SAMD4A: variants seen among roughly 807,000 people sequenced by gnomAD.
The protein encoded by SAMD4A is sterile alpha motif domain containing 4A.
Under a neutral mutation model 81.3 loss-of-function variants are expected in SAMD4A, and 33 were observed. That is an observed-to-expected ratio of 0.41 (90% CI 0.31 to 0.54). The LOEUF is 0.54. SAMD4A is among the 20% of genes least tolerant of loss of function. SAMD4A has a pLI of 0.37. For synonymous variants in SAMD4A, 389 were observed against 382.1 expected (o/e 1.02, Z -0.21); for missense variants, 854 against 951.1 (o/e 0.90, Z 1.34).
At chr14:54,599,916 A>G (rs1440237120) in intron 2 of SAMD4A, among the ~76,000 whole-genome samples, 1 of 152,186 alleles carries the variant, frequency 6.6e-6, no homozygotes, top group African/African-American at 2.4e-5. Flanking sequence ...TTCATCTGAA[A>G]TAAAAATTTC....
At chr14:54,658,179 C>G (rs2035567068) in intron 2 of SAMD4A, among the ~76,000 whole-genome samples, 1 of 152,114 alleles carries the variant, frequency 6.6e-6, no homozygotes. Context: ...GGTGTGGTGT[C>G]AGGTGCCCAT....
At chr14:54,788,836 G>C (rs561445277) in intron 12 of SAMD4A, 80 bp from the exon 13 acceptor site, 150 of 1,570,276 alleles carry the variant, frequency 9.6e-5, no homozygotes, top group Middle Eastern at 8.4e-4. Flanking sequence ...GAGGCCCACC[G>C]TGCATGGCGT....
chr14:54,630,438 G>C (rs1263828427), intron 2 of SAMD4A, among the ~76,000 whole-genome samples: 1 of 152,192 alleles, frequency 6.6e-6, no homozygotes. Flanking sequence ...GATGGGTGAT[G>C]TTGGCCATCG....
chr14:54,662,803 G>T (rs1159030281), intron 2 of SAMD4A, among the ~76,000 whole-genome samples: 1 of 152,114 alleles, frequency 6.6e-6, no homozygotes, highest in Non-Finnish European at 1.5e-5. Flanking sequence ...GTGTGGGGCT[G>T]CTATGGCCCT....
chr14:54,734,506 T>C (rs2037641491), intron 3 of SAMD4A, among the ~76,000 whole-genome samples: 1 of 152,242 alleles, frequency 6.6e-6, no homozygotes, highest in Non-Finnish European at 1.5e-5. Context: ...AGAGGCCAAG[T>C]TCATGTCATA....
intron 3 of SAMD4A, among the ~76,000 whole-genome samples, chr14:54,708,023 A>T (rs968432645): frequency 3.3e-5 from 5 of 152,212 alleles, no homozygotes; most frequent in Non-Finnish European, 7.3e-5. Flanking sequence ...ACATGATCCA[A>T]CTCACATTTT....
In SAMD4A at chr14:54,695,914, C is replaced by T. The variant is rs116696084; in HGVS notation, c.197-6148C>T. On this transcript the variant is annotated intron_variant, in intron 2 of 12. Transcript: ENST00000554335. Reference sequence around the variant, plus strand: ...GTTACAGTGAGCCAAGACCATGCCACTGTGCTCCAGCCTGGTGACGGAGTG... The same window carrying T: ...GTTACAGTGAGCCAAGACCATGCCATTGTGCTCCAGCCTGGTGACGGAGTG... Among the ~76,000 whole-genome samples the T allele has an allele frequency of 1.7e-3, 247 of 141,292 alleles. 1 individual carries two copies. The highest frequency in any genetic ancestry group is 6.4e-3 in the African/African-American group (242 of 37,714). The allele number at this position is 141,292 out of a possible 152,430, so 92.7% of individuals were successfully genotyped here.
At chr14:54,682,185 G>A in intron 2 of SAMD4A, 1 of 415,442 alleles carries the variant, frequency 2.4e-6, no homozygotes, top group Non-Finnish European at 3.2e-6. Context: ...AGAATCTTGA[G>A]GTATGAGTTT....
At chr14:54,765,239 G>A (rs1273025588) in intron 8 of SAMD4A, among the ~76,000 whole-genome samples, 2 of 152,132 alleles carry the variant, frequency 1.3e-5, no homozygotes, top group African/African-American at 4.8e-5. Flanking sequence ...CCCACAAAGA[G>A]CTACAGCAGC....
At chr14:54,606,427 G>A (rs112256653) in intron 2 of SAMD4A, among the ~76,000 whole-genome samples, 3 of 152,170 alleles carry the variant, frequency 2.0e-5, no homozygotes, top group East Asian at 1.9e-4. Context: ...GCCTGCTTCC[G>A]ACACGTCCTT....
At chr14:54,737,561 T>TTTTTTTTTTTTTTTC (rs34263162) in intron 4 of SAMD4A, among the ~76,000 whole-genome samples, 1 of 122,608 alleles carries the variant, frequency 8.2e-6, no homozygotes, top group Non-Finnish European at 1.7e-5. Flanking sequence ...TTTTTTTTTT[T>TTTTTTTTTTTTTTTC]GCATTGCAGT....
At chr14:54,715,087 T>A (rs77546149) in intron 3 of SAMD4A, among the ~76,000 whole-genome samples, 2,702 of 152,246 alleles carry the variant, frequency 0.018, 31 homozygotes, top group Non-Finnish European at 0.027. Context: ...TTCACACTTT[T>A]AAAAATTATC....
chr14:54,569,126 G>A (rs1009021275), intron 2 of SAMD4A, among the ~76,000 whole-genome samples: 41 of 152,208 alleles, frequency 2.7e-4, no homozygotes, highest in African/African-American at 8.7e-4. Flanking sequence ...TTTATGCAGA[G>A]AAAAGAATGC....
intron 2 of SAMD4A, among the ~76,000 whole-genome samples, chr14:54,613,045 A>G (rs2034399735): frequency 1.3e-5 from 2 of 152,028 alleles, no homozygotes; most frequent in Non-Finnish European, 2.9e-5. Flanking sequence ...TGAACCTGGG[A>G]GGCGGAGGTT....
intron 2 of SAMD4A, among the ~76,000 whole-genome samples, chr14:54,599,316 A>G (rs1457365499): frequency 1.3e-5 from 2 of 152,186 alleles, no homozygotes; most frequent in Non-Finnish European, 2.9e-5. Context: ...ATATAACCCA[A>G]CATAAAGGCA....
chr14:54,732,433 A>G (rs1386518948), intron 3 of SAMD4A, among the ~76,000 whole-genome samples: 1 of 152,210 alleles, frequency 6.6e-6, no homozygotes, highest in Non-Finnish European at 1.5e-5. Context: ...TTACTAAATT[A>G]TATTCTTTCA....
At chr14:54,713,856 A>T (rs534644440) in intron 3 of SAMD4A, among the ~76,000 whole-genome samples, 2 of 152,352 alleles carry the variant, frequency 1.3e-5, no homozygotes, top group Non-Finnish European at 2.9e-5. Context: ...TTGAAGTCAG[A>T]CAAGTTGGTT....
At chr14:54,633,962 T>A (rs750500952) in intron 2 of SAMD4A, among the ~76,000 whole-genome samples, 5 of 151,836 alleles carry the variant, frequency 3.3e-5, no homozygotes, top group Non-Finnish European at 7.4e-5. Flanking sequence ...TGGAACAGTA[T>A]TTGGCACATA....
chr14:54,712,431 T>G (rs1230300119), intron 3 of SAMD4A, among the ~76,000 whole-genome samples: 1 of 152,228 alleles, frequency 6.6e-6, no homozygotes, highest in South Asian at 2.1e-4. Context: ...TGGCATGGTA[T>G]ATTTTTAGCT....
Sources: gnomAD v4.1 joint callset for allele counts (sites outside exome capture counted in the v4.1 genomes callset) on GRCh38, gnomAD v4.1.1 for gene constraint, MANE v1.5 for transcripts, NCBI Gene and HGNC (gene_info 2026-07-23, HGNC 2026-07-21) for gene names.